The following GABRG3 variants were observed in gnomAD, a reference collection of about 807,000 sequenced individuals.
GABRG3 encodes gamma-aminobutyric acid receptor subunit gamma-3.
In GABRG3, 25 loss-of-function variants were observed where a neutral mutation model predicts 48.8. The ratio of observed to expected loss-of-function variants is 0.51; its 90% CI spans 0.37 to 0.72. The LOEUF is 0.72. Ranked by LOEUF, GABRG3 falls within the 30% of genes least tolerant of loss-of-function variation. GABRG3 has a pLI of 0.00. For synonymous variants in GABRG3, 227 were observed against 217.6 expected (o/e 1.04, Z -0.38); for missense variants, 394 against 577.9 (o/e 0.68, Z 3.26).
intron 3 of GABRG3, among the ~76,000 whole-genome samples, chr15:27,092,194 C>T (rs1258721335): frequency 6.6e-6 from 1 of 152,126 alleles, no homozygotes; most frequent in Non-Finnish European, 1.5e-5. Context: ...GTGTCTGGAT[C>T]ACACCAGCCA....
At chr15:27,503,697 T>C (rs1370975064) in intron 6 of GABRG3, among the ~76,000 whole-genome samples, 3 of 152,230 alleles carry the variant, frequency 2.0e-5, no homozygotes, top group African/African-American at 7.2e-5. Context: ...AGTTGATTGC[T>C]AGTGTTGTTC....
At chr15:27,300,384 C>A (rs1474492772) in intron 3 of GABRG3, among the ~76,000 whole-genome samples, 1 of 152,016 alleles carries the variant, frequency 6.6e-6, no homozygotes, top group Admixed American at 6.6e-5. Flanking sequence ...AACATGCAGG[C>A]CAGGCACGGT....
intron 5 of GABRG3, among the ~76,000 whole-genome samples, chr15:27,343,607 C>T (rs908652556): frequency 5.9e-5 from 9 of 152,078 alleles, no homozygotes; most frequent in Admixed American, 3.3e-4. Context: ...AAATCATTTG[C>T]GTTAATAGCT....
At chr15:27,461,543 T>C (rs1889447334) in intron 5 of GABRG3, among the ~76,000 whole-genome samples, 1 of 152,200 alleles carries the variant, frequency 6.6e-6, no homozygotes. Flanking sequence ...TTACACAGCA[T>C]GGAAGAGGAC....
chr15:27,188,724 T>C (rs1888187363), intron 3 of GABRG3, among the ~76,000 whole-genome samples: 2 of 152,182 alleles, frequency 1.3e-5, no homozygotes, highest in South Asian at 2.1e-4. Context: ...AGAAGCTCTT[T>C]AGTTTCATTA....
At chr15:27,385,990 T>C (rs1895909527) in intron 5 of GABRG3, among the ~76,000 whole-genome samples, 2 of 152,216 alleles carry the variant, frequency 1.3e-5, no homozygotes, top group African/African-American at 2.4e-5. Flanking sequence ...GATAATATAT[T>C]GTGGCAACTC....
chr15:27,325,437 A>T (rs938534221), intron 3 of GABRG3, among the ~76,000 whole-genome samples: 4 of 152,186 alleles, frequency 2.6e-5, no homozygotes, highest in African/African-American at 9.7e-5. Context: ...ACCTGCTCCC[A>T]GCTGTTGCTT....
intron 3 of GABRG3, among the ~76,000 whole-genome samples, chr15:27,119,111 A>G (rs1313560511): frequency 1.3e-5 from 2 of 152,168 alleles, no homozygotes; most frequent in Non-Finnish European, 2.9e-5. Flanking sequence ...AAGGTATGAA[A>G]TGTGGAGACA....
intron 7 of GABRG3, among the ~76,000 whole-genome samples, chr15:27,520,684 G>A (rs1305021692): frequency 1.8e-5 from 2 of 111,666 alleles, no homozygotes; most frequent in Non-Finnish European, 3.5e-5. Context: ...TTAGAACTGT[G>A]CAACGTGTAT....
chr15:27,063,303 C>A (rs1292241159), intron 3 of GABRG3, among the ~76,000 whole-genome samples: 4 of 152,172 alleles, frequency 2.6e-5, no homozygotes, highest in African/African-American at 9.7e-5. Flanking sequence ...CTTTGGCAAA[C>A]CTTGTGGAGT....
intron 3 of GABRG3, among the ~76,000 whole-genome samples, chr15:27,033,869 A>G (rs1018655070): frequency 1.3e-4 from 20 of 152,268 alleles, no homozygotes; most frequent in African/African-American, 2.6e-4. Flanking sequence ...TTGCTATTGT[A>G]TTACAACCTG....
At chr15:27,109,225 G>A (rs895499215) in intron 3 of GABRG3, among the ~76,000 whole-genome samples, 1 of 152,100 alleles carries the variant, frequency 6.6e-6, no homozygotes, top group African/African-American at 2.4e-5. Flanking sequence ...GAAAAATTGA[G>A]CAGAGTTTAC....
At chr15:27,235,828 G>A (rs906222820) in intron 3 of GABRG3, among the ~76,000 whole-genome samples, 6 of 152,140 alleles carry the variant, frequency 3.9e-5, no homozygotes, top group Admixed American at 1.3e-4. Flanking sequence ...GGTGGCTTGG[G>A]AAAGTGCTGG....
intron 3 of GABRG3, among the ~76,000 whole-genome samples, chr15:27,084,117 T>G (rs1897036661): frequency 6.6e-6 from 1 of 152,212 alleles, no homozygotes; most frequent in Non-Finnish European, 1.5e-5. Flanking sequence ...CCGTCTTGCC[T>G]CAACCACTTT....
At chr15:27,008,711 AG>A (rs1365864113) in intron 2 of GABRG3, among the ~76,000 whole-genome samples, 1 of 151,528 alleles carries the variant, frequency 6.6e-6, no homozygotes, top group African/African-American at 2.4e-5. Context: ...CATTTTTTTA[AG>A]TTGGAAGGAA....
At chr15:27,302,105 A>G (rs1178191380) in intron 3 of GABRG3, among the ~76,000 whole-genome samples, 3 of 152,158 alleles carry the variant, frequency 2.0e-5, no homozygotes, top group Non-Finnish European at 4.4e-5. Flanking sequence ...AAATGAAGGA[A>G]AAGTGAGAGA....
At chr15:27,017,168 A>G (rs1423693289) in intron 2 of GABRG3, among the ~76,000 whole-genome samples, 1 of 152,158 alleles carries the variant, frequency 6.6e-6, no homozygotes, top group East Asian at 1.9e-4. Context: ...GGTTTCATGC[A>G]GGAAGGACTT....
At position 27,020,594 on chromosome 15, in the gene GABRG3, T is replaced by G. The variant is rs1250065493; in HGVS notation, c.203-6160T>G. The stretch of plus-strand genomic sequence containing the variant: ...GCCCGGCTAATTTTTTTTTTTTGTA[T>G]TTTTAGCAGAGACGGGGTTTCACTG... On this transcript the variant is annotated intron_variant, in intron 2 of 9. Transcript: ENST00000615808. Among the ~76,000 whole-genome samples the G allele has an allele frequency of 5.9e-5, 9 of 151,996 alleles. No homozygotes were observed. In the South Asian group the frequency reaches 1.7e-3, roughly 28 times the overall value.
chr15:27,335,267 G>A (rs1345981068), intron 5 of GABRG3, among the ~76,000 whole-genome samples: 1 of 149,960 alleles, frequency 6.7e-6, no homozygotes, highest in Non-Finnish European at 1.5e-5. Context: ...AAGTGGAATT[G>A]CTGGACCATA....
Sources: allele counts gnomAD v4.1 joint callset (sites outside exome capture counted in the v4.1 genomes callset), GRCh38; gene constraint gnomAD v4.1.1; transcripts MANE v1.5; gene names NCBI Gene and HGNC (gene_info 2026-07-23, HGNC 2026-07-21).